PDE4D: variants seen among roughly 807,000 people sequenced by gnomAD.
The protein encoded by PDE4D is phosphodiesterase 4D.
A neutral mutation model predicts 87.4 loss-of-function variants in PDE4D; 24 were observed. The observed-to-expected ratio is 0.27, with a 90% CI of 0.20 to 0.39. The LOEUF (loss-of-function observed/expected upper bound fraction) is 0.39. Ranked by LOEUF, PDE4D falls within the 10% of genes least tolerant of loss-of-function variation. PDE4D has a pLI of 1.00. For synonymous variants in PDE4D, 384 were observed against 383.2 expected (o/e 1.00, Z -0.02); for missense variants, 714 against 1,041.0 (o/e 0.69, Z 4.32).
At chr5:59,728,990 C>T (rs992459099) in intron 1 of PDE4D, among the ~76,000 whole-genome samples, 1 of 152,014 alleles carries the variant, frequency 6.6e-6, no homozygotes, top group African/African-American at 2.4e-5. Context: ...AGAGAATTTC[C>T]TCTGAAAATG....
At chr5:60,506,190 G>A (rs887644791) in intron 1 of PDE4D, among the ~76,000 whole-genome samples, 7 of 152,196 alleles carry the variant, frequency 4.6e-5, no homozygotes, top group Non-Finnish European at 1.0e-4. Context: ...TCCTGTTCTG[G>A]AAGAACTGGA....
chr5:59,973,579 T>G (rs1221549715), intron 3 of PDE4D, among the ~76,000 whole-genome samples: 1 of 152,220 alleles, frequency 6.6e-6, no homozygotes, highest in Non-Finnish European at 1.5e-5. Context: ...TCAGTTTTTT[T>G]CAGTGGATAT....
At chr5:60,023,992 GTAAAACTAAAAAA>G (rs1372307710) in intron 2 of PDE4D, among the ~76,000 whole-genome samples, 1 of 152,002 alleles carries the variant, frequency 6.6e-6, no homozygotes, top group Non-Finnish European at 1.5e-5. Flanking sequence ...CAATGTCTTA[GTAAAACTAAAAAA>G]TTTTACAAAA....
chr5:60,492,149 T>C (rs1184347139), upstream of PDE4D, among the ~76,000 whole-genome samples: 1 of 149,598 alleles, frequency 6.7e-6, no homozygotes, highest in African/African-American at 2.5e-5. Flanking sequence ...AAGAAAATTG[T>C]CAGCTAGAAA....
chr5:59,942,945 T>G (rs905791802), intron 3 of PDE4D, among the ~76,000 whole-genome samples: 27 of 151,932 alleles, frequency 1.8e-4, no homozygotes, highest in African/African-American at 6.5e-4. Flanking sequence ...GACACAATAT[T>G]TTCATGGGTA....
Position 59,384,726 on chromosome 5 carries a change from C to A in PDE4D, c.456-168758G>T, listed in dbSNP as rs7715325. ...TCTTTCTCAAGTCATTTTGTTTCTG[C>A]TGGTAATTAACTCTATAATTCTAAG... On this transcript the variant is annotated intron_variant, in intron 1 of 14. Coordinates refer to ENST00000340635, the MANE Select transcript of PDE4D (RefSeq NM_001104631.2). 2.5e-3 allele frequency among the ~76,000 whole-genome samples: 376 copies of A among 152,036 alleles called. 1 individual carries two copies. The highest frequency in any genetic ancestry group is 8.9e-3 in the African/African-American group (368 of 41,482).
chr5:59,153,447 T>A (rs905846665), intron 5 of PDE4D, among the ~76,000 whole-genome samples: 2 of 152,194 alleles, frequency 1.3e-5, no homozygotes, highest in African/African-American at 4.8e-5. Flanking sequence ...GTGGAGAAGA[T>A]CATCCATCAT....
intron 2 of PDE4D, among the ~76,000 whole-genome samples, chr5:60,116,183 G>A (rs1778156260): frequency 2.6e-5 from 4 of 152,016 alleles, no homozygotes; most frequent in Admixed American, 2.6e-4. Context: ...GGATTATAGT[G>A]AGGGCCTGAG....
At chr5:59,629,690 G>A (rs931113632) in intron 1 of PDE4D, among the ~76,000 whole-genome samples, 9 of 152,132 alleles carry the variant, frequency 5.9e-5, no homozygotes, top group South Asian at 2.1e-4. Context: ...AGCCCTAGCC[G>A]ACTAATACAA....
intron 6 of PDE4D, among the ~76,000 whole-genome samples, chr5:59,001,525 C>G (rs1439267627): frequency 6.6e-6 from 1 of 152,196 alleles, no homozygotes; most frequent in African/African-American, 2.4e-5. Flanking sequence ...CTCCAACATT[C>G]CACTAAAGCT....
intron 1 of PDE4D, among the ~76,000 whole-genome samples, chr5:60,221,498 G>A (rs1451679029): frequency 6.6e-6 from 1 of 151,672 alleles, no homozygotes; most frequent in African/African-American, 2.4e-5. Flanking sequence ...TTTTTATCAG[G>A]GTATAATTTA....
intron 5 of PDE4D, chr5:59,166,411 TAA>T (rs1226918022): frequency 6.6e-6 from 1 of 152,112 alleles, no homozygotes; most frequent in Non-Finnish European, 1.5e-5. Context: ...CAGTTTCCAG[TAA>T]AGAGAAACAG....
At chr5:59,161,829 A>G (rs62357963) in intron 5 of PDE4D, among the ~76,000 whole-genome samples, 9,403 of 152,304 alleles carry the variant, frequency 0.062, 313 homozygotes, top group South Asian at 0.068. Flanking sequence ...ATCTCCAGCA[A>G]AGAGATACTA....
At chr5:59,236,330 C>T (rs1395285607) in intron 1 of PDE4D, among the ~76,000 whole-genome samples, 2 of 152,172 alleles carry the variant, frequency 1.3e-5, no homozygotes, top group Non-Finnish European at 2.9e-5. Context: ...CTCTTGACTT[C>T]TCTGGGACTT....
At chr5:59,354,965 A>T (rs1217180882) in intron 1 of PDE4D, among the ~76,000 whole-genome samples, 2 of 152,202 alleles carry the variant, frequency 1.3e-5, no homozygotes, top group African/African-American at 4.8e-5. Context: ...TGTATATTCA[A>T]ATTAAGAGGA....
chr5:59,619,630 G>A (rs1830115964), intron 1 of PDE4D, among the ~76,000 whole-genome samples: 1 of 152,202 alleles, frequency 6.6e-6, no homozygotes, highest in Non-Finnish European at 1.5e-5. Context: ...TGCCATTTCA[G>A]TGGTAGGCAG....
intron 1 of PDE4D, chr5:60,188,184 A>G (rs2962971): frequency 0.69 from 104,255 of 152,050 alleles, 36,044 homozygotes; most frequent in Middle Eastern, 0.71. Context: ...TGAAGGTCCA[A>G]GAATAAACAG....
intron 1 of PDE4D, among the ~76,000 whole-genome samples, chr5:59,491,343 C>T (rs1302618565): frequency 1.3e-5 from 2 of 152,166 alleles, no homozygotes; most frequent in East Asian, 3.8e-4. Flanking sequence ...CAATTTTTAG[C>T]TCCCTTCTTT....
chr5:59,016,390 C>CTTTTTTTTTTTTT (rs35622981), intron 6 of PDE4D, among the ~76,000 whole-genome samples: 4 of 78,600 alleles, frequency 5.1e-5, no homozygotes, highest in African/African-American at 2.0e-4. Context: ...TCAGTCTGTT[C>CTTTTTTTTTTTTT]TTTTTTTTTT....
Sources: allele counts gnomAD v4.1 joint callset (sites outside exome capture counted in the v4.1 genomes callset), GRCh38; gene constraint gnomAD v4.1.1; transcripts MANE v1.5; gene names NCBI Gene and HGNC (gene_info 2026-07-23, HGNC 2026-07-21).